The following PXDN variants were observed in gnomAD, a reference collection of about 807,000 sequenced individuals.
PXDN encodes the protein peroxidasin, also known as peroxidasin homolog.
A neutral mutation model predicts 140.3 loss-of-function variants in PXDN; 77 were observed. The observed-to-expected ratio is 0.55, with a 90% CI of 0.46 to 0.66. The LOEUF (loss-of-function observed/expected upper bound fraction) is 0.66. Among genes scored for constraint, PXDN ranks in the 30% least tolerant of loss-of-function variants. The pLI is 0.00. For synonymous variants in PXDN, 911 were observed against 857.4 expected, an observed-to-expected ratio of 1.06 and a Z score of -1.09; for missense variants, 1,838 against 2,039.5, an observed-to-expected ratio of 0.90 and a Z score of 1.90.
chr2:1,741,513 G>A (rs925749623), intron 1 of PXDN, among the ~76,000 whole-genome samples: 2 of 152,114 alleles, frequency 1.3e-5, no homozygotes, highest in Admixed American at 6.5e-5. Context: ...TCATGGATGG[G>A]CTTATTCCAC....
intron 11 of PXDN, 154 bp from the exon 12 acceptor site, chr2:1,663,917 A>G: frequency 1.2e-6 from 1 of 837,876 alleles, no homozygotes; most frequent in South Asian, 1.7e-5. Context: ...TTGCCTCCCC[A>G]GCAGACACCA....
Position 1,639,984 on chromosome 2 carries a change from G to T in PXDN, c.3953-562C>A. Among the ~76,000 whole-genome samples, 1 of 152,200 alleles carries T rather than the reference G, an allele frequency of 6.6e-6. No homozygotes were observed. Among genetic ancestry groups the T allele is most frequent in the Non-Finnish European group, 1.5e-5 (1 of 68,038 alleles). Reference sequence around the variant, plus strand: ...TGGACTGAGAAGCCCTCAGTGCTATGCCTCACCTGAGCCCCGGGTGAGTGA... The same window carrying T: ...TGGACTGAGAAGCCCTCAGTGCTATTCCTCACCTGAGCCCCGGGTGAGTGA... On this transcript the variant is annotated intron_variant, in intron 19 of 22. Transcript: ENST00000252804. This position sits in a 1 kb window ranked among gnomAD's most constrained non-coding sequence, Gnocchi z 5.0.
At chr2:1,675,460 C>T (rs1683678314) in intron 8 of PXDN, among the ~76,000 whole-genome samples, 1 of 152,216 alleles carries the variant, frequency 6.6e-6, no homozygotes. Flanking sequence ...CTCCAGTGTT[C>T]TCTGGATTTT....
chr2:1,679,137 GTGGA>G (rs893813892), intron 7 of PXDN, among the ~76,000 whole-genome samples: 2 of 149,918 alleles, frequency 1.3e-5, no homozygotes, highest in African/African-American at 4.9e-5. Flanking sequence ...TGGTGTGTTT[GTGGA>G]TGGTGTGTGC....
Position 1,660,807 on chromosome 2 carries a change from T to C in PXDN, c.1837+74A>G. 8 of 1,524,538 alleles carry C rather than the reference T, an allele frequency of 5.2e-6. No individual in the cohort carries two copies. In the South Asian group the frequency reaches 1.0e-4, roughly 19 times the overall value. The allele number at this position is 1,524,538 out of a possible 1,614,324, so 94.4% of individuals were successfully genotyped here. ...TCTGAACAGCCTAAGTCAACTGGCC[T>C]GGGACCACACTAGGGACCTGCGGGC... On this transcript the variant is annotated intron_variant, in intron 14 of 22. Transcript: ENST00000252804. The surrounding 1 kb of genome is among the most constrained non-coding windows in gnomAD (Gnocchi z 4.6).
Position 1,744,439 on chromosome 2 carries a change from C to G in PXDN, c.17G>C (p.Arg6Thr). MAKRS[R>T]GPGRRCLLAL... Reference sequence around the variant, plus strand: ...CAACAGGCAGCGGCGCCCGGGGCCCCTGGAGCGCTTGGCCATGGCCGACGG... The same window carrying G: ...CAACAGGCAGCGGCGCCCGGGGCCCGTGGAGCGCTTGGCCATGGCCGACGG... Residue 6 changes from arginine to threonine, a missense_variant, in exon 1 of 23, where the codon AGG (arginine) becomes ACG (threonine). Arg to Thr is a moderately conservative substitution (Grantham distance 71). This residue lies in a region of PXDN where 231 missense variants were observed against 201.5 expected (regional missense o/e 1.15). Coordinates refer to ENST00000252804, the MANE Select transcript of PXDN (RefSeq NM_012293.3). 1 of 1,496,840 alleles carries G rather than the reference C, an allele frequency of 6.7e-7. No individual in the cohort carries two copies. Among genetic ancestry groups the G allele is most frequent in the Non-Finnish European group, 8.8e-7 (1 of 1,130,292 alleles). 92.7% of individuals were successfully genotyped at this position (1,496,840 alleles called of 1,614,324 possible).
At chr2:1,696,004 T>A (rs1684292905) in intron 1 of PXDN, among the ~76,000 whole-genome samples, 2 of 152,068 alleles carry the variant, frequency 1.3e-5, no homozygotes, top group Admixed American at 1.3e-4. Context: ...TGCTGTCCCA[T>A]CCACAGGCCC....
intron 1 of PXDN, among the ~76,000 whole-genome samples, chr2:1,698,727 C>T (rs1036098961): frequency 1.3e-5 from 2 of 152,160 alleles, no homozygotes; most frequent in Admixed American, 1.3e-4. Flanking sequence ...CTTCCACTTA[C>T]ATTCAAGAGT....
In PXDN at chr2:1,657,144, TG is replaced by T. The variant is rs944326278; in HGVS notation, c.1838-2637del. Among the ~76,000 whole-genome samples the T allele has an allele frequency of 5.0e-5, 7 of 140,228 alleles. No individual in the cohort carries two copies. In the East Asian group the frequency reaches 9.1e-4, roughly 18 times the overall value. 92.0% of individuals were successfully genotyped at this position (140,228 alleles called of 152,430 possible). On this transcript the variant is annotated intron_variant, in intron 14 of 22. Coordinates refer to ENST00000252804, the MANE Select transcript of PXDN (RefSeq NM_012293.3). ...TAAACTGCAACTTACCCCTCCTGAC[TG>T]GGGGGGGACCTGCCTCCTACTGACT...
At chr2:1,652,930 C>CTGTGTGTGTGTGTGTGTG (rs34590232) in intron 16 of PXDN, 1 of 149,148 alleles carries the variant, frequency 6.7e-6, no homozygotes, top group African/African-American at 2.5e-5. Flanking sequence ...CCTCCGTGCT[C>CTGTGTGTGTGTGTGTGTG]TGTGTGTGTG....
At chr2:1,744,864 C>G (rs1685656389), upstream of PXDN, 2 of 164,520 alleles carry the variant, frequency 1.2e-5, no homozygotes, top group Non-Finnish European at 2.6e-5. Context: ...GTTTGTAACA[C>G]TTTTAGAGCG....
intron 1 of PXDN, among the ~76,000 whole-genome samples, chr2:1,693,578 A>T (rs1684230804): frequency 1.3e-5 from 2 of 152,248 alleles, no homozygotes; most frequent in South Asian, 4.1e-4. Flanking sequence ...AACGACCTAA[A>T]CTGCTACCTT....
chr2:1,639,242 C>T lies in PXDN; in HGVS notation c.4073+60G>A. Reference sequence around the variant, plus strand: ...CCACAGCAGGATGCCGGTCCTACTGCCCGACGCCCGCGGTGCGAGGGCCCC... The same window carrying T: ...CCACAGCAGGATGCCGGTCCTACTGTCCGACGCCCGCGGTGCGAGGGCCCC... On this transcript the variant is annotated intron_variant, in intron 20 of 22. Transcript: ENST00000252804. This position sits in a 1 kb window ranked among gnomAD's most constrained non-coding sequence, Gnocchi z 5.0. The T allele has an allele frequency of 1.9e-6, 3 of 1,564,508 alleles. No individual in the cohort carries two copies.
chr2:1,634,284 CA>C lies in PXDN; in HGVS notation c.4359del (p.Ala1454ProfsTer7), dbSNP rs747662094. 1.9e-6 allele frequency: 3 copies of C among 1,606,162 alleles called. No homozygotes were observed. The highest frequency in any genetic ancestry group is 2.5e-6 in the Non-Finnish European group (3 of 1,176,642). ...ATGTTCACGGGGACAGCACAGGTGG[CA>C]GGGGGGCAAGCTTCCACGAAGCAGG... ...QVTCFVEACP[P>X]ATCAVPVNIP... On this transcript the variant is annotated frameshift_variant, in exon 23 of 23. Coordinates refer to ENST00000252804, the MANE Select transcript of PXDN (RefSeq NM_012293.3). LOFTEE classifies it low-confidence loss of function (END_TRUNC).
chr2:1,719,753 A>G (rs1033741195), intron 1 of PXDN, among the ~76,000 whole-genome samples: 6 of 152,030 alleles, frequency 3.9e-5, no homozygotes, highest in Admixed American at 2.0e-4. Flanking sequence ...GGACCAGGTC[A>G]TGTGACACAC....
chr2:1,634,394 C>A, intron 22 of PXDN, 71 bp from the exon 23 acceptor site: 1 of 1,500,062 alleles, frequency 6.7e-7, no homozygotes, highest in Non-Finnish European at 9.0e-7. Context: ...CCTGTCAGCT[C>A]CGGGACAGGT....
chr2:1,692,643 AGGCATCAT>A (rs1471293620), intron 2 of PXDN: 4 of 472,398 alleles, frequency 8.5e-6, no homozygotes, highest in Admixed American at 2.3e-5. Context: ...TGCTCCCTCC[AGGCATCAT>A]GGGACTGCCT....
chr2:1,664,902 G>A, intron 11 of PXDN, 56 bp downstream of exon 11: 1 of 1,407,562 alleles, frequency 7.1e-7, no homozygotes, highest in Non-Finnish European at 9.8e-7. Context: ...GGAAATGTGT[G>A]CTTCCTGCGT....
At chr2:1,734,683 A>G (rs56407232) in intron 1 of PXDN, among the ~76,000 whole-genome samples, 37,884 of 152,040 alleles carry the variant, frequency 0.25, 5,062 homozygotes, top group East Asian at 0.59. Context: ...TCTGGCCAAC[A>G]TGGTGAAACC....
Sources: gnomAD v4.1 joint callset for allele counts (sites outside exome capture counted in the v4.1 genomes callset) on GRCh38, gnomAD v4.1.1 for gene constraint, gnomAD v4.1.1 regional missense constraint, Gnocchi (gnomAD v3.1) non-coding constraint, MANE v1.5 for transcripts, NCBI Gene and HGNC (gene_info 2026-07-23, HGNC 2026-07-21) for gene names.